MSH6: variants seen among roughly 807,000 people sequenced by gnomAD.
MSH6 encodes the protein DNA mismatch repair protein Msh6.
A neutral mutation model predicts 119.1 loss-of-function variants in MSH6; 85 were observed. The ratio of observed to expected loss-of-function variants is 0.71; its 90% confidence interval spans 0.60 to 0.85. MSH6 has a LOEUF of 0.85. Among genes scored for constraint, MSH6 ranks in the 40% least tolerant of loss-of-function variants. The pLI is 0.00. For missense variants in MSH6, 2,163 were observed against 1,655.3 expected (o/e 1.31, Z -5.32); for synonymous variants, 830 against 586.9 (o/e 1.41, Z -5.99).
At chr2:47,801,523 A>G (rs2104450640) in intron 4 of MSH6, among the ~76,000 whole-genome samples, 1 of 151,754 alleles carries the variant, frequency 6.6e-6, no homozygotes, top group Middle Eastern at 3.4e-3. Context: ...ATGCACCACC[A>G]TGCATGGCTA....
In MSH6 at chr2:47,806,887, G is replaced by T; in HGVS notation, c.*27G>T. On this transcript the variant is annotated 3_prime_UTR_variant, in exon 10 of 10. Coordinates refer to ENST00000234420, the MANE Select transcript of MSH6 (RefSeq NM_000179.3). ...CTGACTACATTGGAAGCTTTGAGTTGACTTCTGACAAAGGTGGTAAATTCA... is the reference window on the plus strand; with the variant it reads ...CTGACTACATTGGAAGCTTTGAGTTTACTTCTGACAAAGGTGGTAAATTCA... 1 of 1,522,500 alleles carries T rather than the reference G, an allele frequency of 6.6e-7. No homozygotes were observed. The highest frequency in any genetic ancestry group is 1.1e-5 in the South Asian group (1 of 88,894). The allele number at this position is 1,522,500 out of a possible 1,614,324, so 94.3% of individuals were successfully genotyped here. A position where few individuals can be genotyped will look rare whatever the true frequency, so the allele number is the denominator to read the frequency against.
rs863224329 is a variant in MSH6, at chr2:47,800,659, T to G, written c.2676T>G (p.Ser892=). 10 of 1,614,090 alleles carry G rather than the reference T, an allele frequency of 6.2e-6. No individual in the cohort carries two copies. The highest frequency in any genetic ancestry group is 7.6e-6 in the Non-Finnish European group (9 of 1,180,046). Residue 892 remains serine, a synonymous_variant, in exon 4 of 10, where the codon TCT becomes TCG. Coordinates refer to ENST00000234420, the MANE Select transcript of MSH6 (RefSeq NM_000179.3). ...CTAAAATCCTTAAGCAGGTCATCTCTCTGCAGACAAAAAATCCTGAAGGTC... is the reference window on the plus strand; with the variant it reads ...CTAAAATCCTTAAGCAGGTCATCTCGCTGCAGACAAAAAATCCTGAAGGTC... ...FKSKILKQVI[S]LQTKNPEGRF... is the part of the protein sequence containing the mutation.
At position 47,799,695 on chromosome 2, in the gene MSH6, G is replaced by A. The variant is rs863224618; in HGVS notation, c.1712G>A (p.Gly571Asp). 4 of 1,614,140 alleles carry A rather than the reference G, an allele frequency of 2.5e-6. No individual in the cohort carries two copies. Among genetic ancestry groups the A allele is most frequent in the Non-Finnish European group, 2.5e-6 (3 of 1,180,018 alleles). ...VDTSLGKFFI[G>D]QFSDDRHCSR... ...ACTTCACTGGGAAAGTTTTTCATAG[G>A]TCAGTTTTCAGATGATCGCCATTGT... Residue 571 changes from glycine to aspartate, a missense_variant, in exon 4 of 10, where the codon GGT (glycine) becomes GAT (aspartate). Transcript: ENST00000234420.
chr2:47,784,171 C>A, intron 1 of MSH6: 1 of 1,001,200 alleles, frequency 1.0e-6, no homozygotes, highest in Non-Finnish European at 1.2e-6. Flanking sequence ...CCATGGGGAC[C>A]GCGGGGCCTA....
chr2:47,800,631 A>C lies in MSH6; in HGVS notation c.2648A>C (p.Lys883Thr), dbSNP rs764816440. 7 of 1,614,196 alleles carry C rather than the reference A, an allele frequency of 4.3e-6. No individual in the cohort carries two copies. The Admixed American group carries it at 6.7e-5, about 15-fold the overall frequency. The change falls in exon 4 of 10, where the codon AAG (lysine) becomes ACG (threonine). Residue 883 changes from lysine to threonine, a missense_variant. Coordinates refer to ENST00000234420, the MANE Select transcript of MSH6 (RefSeq NM_000179.3). ...GIMEEVADGFKSKILKQVISL... is the reference protein window; with the variant it reads ...GIMEEVADGFTSKILKQVISL... ...ATGGAAGAAGTTGCTGATGGTTTTA[A>C]GTCTAAAATCCTTAAGCAGGTCATC...
chr2:47,788,867 C>T (rs1364746003), intron 1 of MSH6, among the ~76,000 whole-genome samples: 20 of 143,742 alleles, frequency 1.4e-4, no homozygotes, highest in African/African-American at 3.9e-4. Context: ...CCACTGCGCC[C>T]GGCCCAGCAT....
chr2:47,809,101 A>C (rs956243974), downstream of MSH6: 14 of 1,146,068 alleles, frequency 1.2e-5, no homozygotes, highest in Admixed American at 2.2e-5. Flanking sequence ...GGCATTGCTA[A>C]TTTAAAAAGG....
At chr2:47,791,776 T>G (rs1457775486) in intron 2 of MSH6, among the ~76,000 whole-genome samples, 1 of 151,502 alleles carries the variant, frequency 6.6e-6, no homozygotes, top group Non-Finnish European at 1.5e-5. Flanking sequence ...TCTCCTGGGT[T>G]CAAGAGTTTC....
At chr2:47,801,274 C>A (rs1320065057) in intron 4 of MSH6, 119 bp downstream of exon 4, 11 of 943,964 alleles carry the variant, frequency 1.2e-5, no homozygotes, top group Non-Finnish European at 1.6e-5. Context: ...CATGCATATA[C>A]ATATTTGCAT....
Position 47,803,596 on chromosome 2 carries a change from T to C in MSH6, c.3349T>C (p.Cys1117Arg), listed in dbSNP as rs786202829. The C allele has an allele frequency of 1.2e-6, 2 of 1,614,076 alleles. No individual in the cohort carries two copies. Among genetic ancestry groups the C allele is most frequent in the African/African-American group, 1.3e-5 (1 of 74,928 alleles). The change falls in exon 5 of 10, where the codon TGT becomes CGT. Residue 1117 changes from cysteine (C) to arginine (R), a missense_variant. Physicochemically the swap from Cys to Arg is radical, Grantham distance 180 (BLOSUM62 -3). Coordinates refer to ENST00000234420, the MANE Select transcript of MSH6 (RefSeq NM_000179.3). The part of the protein sequence containing the change: ...DFIPNDILIG[C>R]EEEEQENGKA... ...TATTCCTAATGACATTCTAATAGGC[T>C]GTGAGGAAGAGGAGCAGGAAAATGG...
chr2:47,794,029 C>T (rs1558654840), intron 2 of MSH6, among the ~76,000 whole-genome samples: 2 of 143,958 alleles, frequency 1.4e-5, no homozygotes, highest in Non-Finnish European at 3.0e-5. Context: ...TGGGCTGGCC[C>T]AGAATGATTT....
At chr2:47,791,578 T>G (rs1668732640) in intron 2 of MSH6, among the ~76,000 whole-genome samples, 1 of 152,118 alleles carries the variant, frequency 6.6e-6, no homozygotes, top group African/African-American at 2.4e-5. Context: ...TTTTCCCAGA[T>G]CTAGTCTTGT....
chr2:47,801,546 T>C (rs1376084677), intron 4 of MSH6, among the ~76,000 whole-genome samples: 1 of 151,870 alleles, frequency 6.6e-6, no homozygotes, highest in Non-Finnish European at 1.5e-5. Context: ...ATTTAAATGT[T>C]TGTAGAGAGA....
At chr2:47,802,358 C>T (rs779047211) in intron 4 of MSH6, among the ~76,000 whole-genome samples, 18 of 151,964 alleles carry the variant, frequency 1.2e-4, no homozygotes, top group South Asian at 2.1e-4. Context: ...TTTTTAGAGA[C>T]GGGGTCTTGC....
rs1669343851 is a variant in MSH6, at chr2:47,799,533, T to C, written c.1550T>C (p.Ile517Thr). 7 of 1,614,186 alleles carry C rather than the reference T, an allele frequency of 4.3e-6. No homozygotes were observed. The highest frequency in any genetic ancestry group is 5.9e-6 in the Non-Finnish European group (7 of 1,180,030). The change falls in exon 4 of 10, where the codon ATT (isoleucine) becomes ACT (threonine). Residue 517 changes from isoleucine to threonine, a missense_variant. Physicochemically the swap from Ile to Thr is moderately conservative, Grantham distance 89. Coordinates refer to ENST00000234420, the MANE Select transcript of MSH6 (RefSeq NM_000179.3). ...GTGAGGAGGGAGATCTGTAGGATCA[T>C]TACCAAGGGTACACAGACTTACAGT... ...RVVRREICRIITKGTQTYSVL... is the reference protein window; with the variant it reads ...RVVRREICRITTKGTQTYSVL...
downstream of MSH6, chr2:47,807,746 C>A (rs1363936304): frequency 8.2e-6 from 2 of 244,852 alleles, no homozygotes; most frequent in Non-Finnish European, 1.6e-5. Context: ...GTACCCATGT[C>A]CATAAAGGCA....
At chr2:47,790,816 T>G in intron 1 of MSH6, 111 bp from the exon 2 acceptor site, 2 of 945,942 alleles carry the variant, frequency 2.1e-6, no homozygotes, top group Non-Finnish European at 3.4e-6. Context: ...CTAGAATTTC[T>G]GTGCTTCAAT....
At chr2:47,785,437 G>T (rs1234862505) in intron 1 of MSH6, among the ~76,000 whole-genome samples, 1 of 151,154 alleles carries the variant, frequency 6.6e-6, no homozygotes, top group Admixed American at 6.6e-5. Context: ...GGCTGGTCTT[G>T]AAACTGCTGA....
At chr2:47,795,388 G>C (rs999571239) in intron 2 of MSH6, among the ~76,000 whole-genome samples, 5 of 150,150 alleles carry the variant, frequency 3.3e-5, no homozygotes, top group African/African-American at 7.3e-5. Context: ...AAATGTTGTA[G>C]GTTGAGTCAA....
Sources: allele counts gnomAD v4.1 joint callset (sites outside exome capture counted in the v4.1 genomes callset), GRCh38; gene constraint gnomAD v4.1.1; transcripts MANE v1.5; gene names NCBI Gene and HGNC (gene_info 2026-07-23, HGNC 2026-07-21).